ZNF804B: variants seen among roughly 807,000 people sequenced by gnomAD.
The protein encoded by ZNF804B is zinc finger 804B.
Under a neutral mutation model 101.4 loss-of-function variants are expected in ZNF804B, and 80 were observed. That is an observed-to-expected ratio of 0.79 (90% CI 0.66 to 0.95). The LOEUF (loss-of-function observed/expected upper bound fraction) is 0.95. Ranked by LOEUF, ZNF804B falls within the 40% of genes least tolerant of loss-of-function variation. ZNF804B has a pLI of 0.00. For missense variants in ZNF804B, 1,673 were observed against 1,561.9 expected (o/e 1.07, Z -1.20); for synonymous variants, 622 against 558.8 (o/e 1.11, Z -1.59).
intron 1 of ZNF804B, among the ~76,000 whole-genome samples, chr7:88,967,457 G>A (rs535892266): frequency 2.0e-5 from 3 of 151,654 alleles, no homozygotes; most frequent in East Asian, 3.9e-4. Context: ...ACACTTCGAT[G>A]TGAGATTTGG....
At chr7:89,134,252 C>T (rs938427299) in intron 1 of ZNF804B, among the ~76,000 whole-genome samples, 3 of 152,018 alleles carry the variant, frequency 2.0e-5, no homozygotes, top group African/African-American at 7.2e-5. Context: ...AAGTAACCAA[C>T]CACATTGTTA....
intron 1 of ZNF804B, among the ~76,000 whole-genome samples, chr7:88,930,099 A>G (rs956125733): frequency 6.6e-6 from 1 of 151,910 alleles, no homozygotes; most frequent in African/African-American, 2.4e-5. Flanking sequence ...CATTAAACAA[A>G]TGTTTAGTTT....
chr7:88,847,325 G>T (rs2214633), intron 1 of ZNF804B, among the ~76,000 whole-genome samples: 10,213 of 151,924 alleles, frequency 0.067, 1,039 homozygotes, highest in African/African-American at 0.22. Flanking sequence ...AGAAAAACTG[G>T]GTTTCCAATG....
chr7:88,976,280 G>C (rs534871813), intron 1 of ZNF804B, among the ~76,000 whole-genome samples: 2 of 151,398 alleles, frequency 1.3e-5, no homozygotes, highest in Non-Finnish European at 3.0e-5. Context: ...TTCTATTTCT[G>C]TGAAGAATGT....
At chr7:88,856,670 T>C (rs976588533) in intron 1 of ZNF804B, among the ~76,000 whole-genome samples, 7 of 152,152 alleles carry the variant, frequency 4.6e-5, no homozygotes, top group Non-Finnish European at 8.8e-5. Flanking sequence ...AGAGAGAGCA[T>C]CCCTGTCTTG....
chr7:88,865,429 G>A (rs558875577), intron 1 of ZNF804B, among the ~76,000 whole-genome samples: 4 of 152,036 alleles, frequency 2.6e-5, no homozygotes, highest in Non-Finnish European at 5.9e-5. Context: ...CTACTCCTGA[G>A]GCTGAGGTGG....
At chr7:88,864,307 G>A (rs1477151763) in intron 1 of ZNF804B, among the ~76,000 whole-genome samples, 1 of 152,152 alleles carries the variant, frequency 6.6e-6, no homozygotes, top group Non-Finnish European at 1.5e-5. Flanking sequence ...AATATATACT[G>A]CCTTATCTCT....
chr7:89,319,261 AAAAT>A (rs1174477403), intron 2 of ZNF804B, among the ~76,000 whole-genome samples: 31 of 152,208 alleles, frequency 2.0e-4, no homozygotes, highest in African/African-American at 6.8e-4. Flanking sequence ...CTCCATCTCA[AAAAT>A]AAATAATTAA....
At chr7:89,199,172 G>A (rs1380509696) in intron 1 of ZNF804B, among the ~76,000 whole-genome samples, 1 of 151,830 alleles carries the variant, frequency 6.6e-6, no homozygotes. Context: ...CTTGTGGGAA[G>A]AAATCCTTTT....
intron 1 of ZNF804B, among the ~76,000 whole-genome samples, chr7:89,007,070 T>A (rs141480040): frequency 9.2e-5 from 14 of 152,244 alleles, no homozygotes; most frequent in African/African-American, 3.4e-4. Context: ...TCCCTCTTTC[T>A]GATTTCAATG....
chr7:88,829,591 G>A lies in ZNF804B; in HGVS notation c.108+69507G>A, dbSNP rs553371559. 1.1e-3 allele frequency among the ~76,000 whole-genome samples: 169 copies of A among 151,952 alleles called. 3 individuals are homozygous for A. The South Asian group carries it at 0.034, about 30-fold the overall frequency. ...TTTTTTTCTAAGGAAATTGAAGAAA[G>A]TCTCATATAATAAAGCTGGATACTC... On this transcript the variant is annotated intron_variant, in intron 1 of 3. Coordinates refer to ENST00000333190, the MANE Select transcript of ZNF804B (RefSeq NM_181646.5).
intron 1 of ZNF804B, among the ~76,000 whole-genome samples, chr7:89,020,312 G>A (rs953124519): frequency 4.6e-5 from 7 of 151,882 alleles, no homozygotes; most frequent in East Asian, 1.9e-4. Context: ...CATTTCTAAA[G>A]TGTAGCTTTG....
Position 89,327,465 on chromosome 7 carries a change from A to C in ZNF804B, c.371A>C (p.Gln124Pro). The C allele has an allele frequency of 6.2e-7, 1 of 1,610,006 alleles. No homozygotes were observed. The highest frequency in any genetic ancestry group is 1.1e-5 in the South Asian group (1 of 90,412). Residue 124 changes from glutamine to proline, a missense_variant, in exon 3 of 4, where the codon CAA becomes CCA. Transcript: ENST00000333190. Reference protein sequence around the residue: ...RLHQLAELRQQSECVSGNGPA... With the variant: ...RLHQLAELRQPSECVSGNGPA... Reference sequence around the variant, plus strand: ...CATCAGCTGGCTGAGTTAAGGCAGCAATCTGAATGGTAAGAATTAAAGGTG... The same window carrying C: ...CATCAGCTGGCTGAGTTAAGGCAGCCATCTGAATGGTAAGAATTAAAGGTG...
chr7:89,153,451 A>ATAATAT (rs1790909085), intron 1 of ZNF804B, among the ~76,000 whole-genome samples: 1 of 150,000 alleles, frequency 6.7e-6, no homozygotes, highest in South Asian at 2.1e-4. Context: ...AATAATAATA[A>ATAATAT]TAATAATAAT....
intron 3 of ZNF804B, among the ~76,000 whole-genome samples, chr7:89,329,638 T>C (rs1311669954): frequency 1.3e-5 from 2 of 151,654 alleles, no homozygotes; most frequent in Non-Finnish European, 3.0e-5. Flanking sequence ...TCTTAACTAG[T>C]TCCAGCCAAC....
chr7:88,801,820 A>G (rs1790595294), intron 1 of ZNF804B, among the ~76,000 whole-genome samples: 1 of 152,178 alleles, frequency 6.6e-6, no homozygotes, highest in Non-Finnish European at 1.5e-5. Context: ...ATGCCCTTGA[A>G]ATTAATTTTG....
chr7:88,793,622 T>C (rs1311920415), intron 1 of ZNF804B, among the ~76,000 whole-genome samples: 1 of 152,162 alleles, frequency 6.6e-6, no homozygotes, highest in Non-Finnish European at 1.5e-5. Flanking sequence ...GCAGGAATTA[T>C]ACAGTGATTA....
chr7:89,059,681 T>C (rs1195762392), intron 1 of ZNF804B, among the ~76,000 whole-genome samples: 1 of 152,142 alleles, frequency 6.6e-6, no homozygotes, highest in Non-Finnish European at 1.5e-5. Flanking sequence ...AAATAAAATA[T>C]AGTTTAAAGA....
intron 1 of ZNF804B, among the ~76,000 whole-genome samples, chr7:89,121,889 G>T (rs1001809901): frequency 1.3e-5 from 2 of 152,070 alleles, no homozygotes; most frequent in Non-Finnish European, 2.9e-5. Flanking sequence ...TTGTGTAGCT[G>T]GGTCTGTGAG....
Sources: gnomAD v4.1 joint callset for allele counts (sites outside exome capture counted in the v4.1 genomes callset) on GRCh38, gnomAD v4.1.1 for gene constraint, MANE v1.5 for transcripts, NCBI Gene and HGNC (gene_info 2026-07-23, HGNC 2026-07-21) for gene names.